Variants in CFAP36 observed in about 807,000 individuals in gnomAD.
CFAP36 encodes cilia- and flagella-associated protein 36.
A neutral mutation model predicts 50.5 loss-of-function variants in CFAP36; 37 were observed. That is an observed-to-expected ratio of 0.73 (90% CI 0.56 to 0.96). CFAP36 has a LOEUF of 0.96. Among genes scored for constraint, CFAP36 ranks in the 50% least tolerant of loss-of-function variants. The probability of loss-of-function intolerance (pLI) is 0.00; values close to 1 mark genes in which losing one functional copy is unlikely to be tolerated. For synonymous variants in CFAP36, 138 were observed against 128.2 expected, an observed-to-expected ratio of 1.08 and a Z score of -0.52; for missense variants, 407 against 396.2, an observed-to-expected ratio of 1.03 and a Z score of -0.23.
At chr2:55,523,074 G>C (rs926872169) in intron 2 of CFAP36, among the ~76,000 whole-genome samples, 1 of 136,614 alleles carries the variant, frequency 7.3e-6, no homozygotes, top group African/African-American at 2.7e-5. Context: ...CTCCAGTCTG[G>C]ACAACAGAGT....
intron 7 of CFAP36, chr2:55,538,770 C>G (rs760878085): frequency 1.9e-5 from 29 of 1,536,462 alleles, no homozygotes; most frequent in Admixed American, 6.1e-5. Flanking sequence ...TAAAGAAATT[C>G]AAGGAAGCTG....
intron 2 of CFAP36, 138 bp downstream of exon 2, chr2:55,522,304 T>G (rs1023791510): frequency 3.9e-5 from 21 of 537,084 alleles, no homozygotes; most frequent in Admixed American, 6.9e-5. Context: ...ATAGTGCCAG[T>G]TATATCTGTC....
intron 3 of CFAP36, among the ~76,000 whole-genome samples, chr2:55,528,505 G>A (rs988361775): frequency 3.3e-5 from 5 of 151,518 alleles, no homozygotes; most frequent in South Asian, 2.1e-4. Context: ...ATGATTCTCC[G>A]GTCTCAGCCT....
intron 7 of CFAP36, among the ~76,000 whole-genome samples, chr2:55,538,254 A>C (rs1444721267): frequency 1.3e-5 from 2 of 149,472 alleles, no homozygotes; most frequent in African/African-American, 4.9e-5. Context: ...AAAAAAATAT[A>C]CTCTGTGAGG....
At chr2:55,533,832 T>G in intron 4 of CFAP36, 41 bp from the exon 5 acceptor site, 1 of 1,200,350 alleles carries the variant, frequency 8.3e-7, no homozygotes, top group Non-Finnish European at 1.2e-6. Flanking sequence ...ATGTTTTTAA[T>G]GGAGTTGATA....
intron 7 of CFAP36, among the ~76,000 whole-genome samples, chr2:55,542,331 T>C (rs537098290): frequency 1.3e-5 from 2 of 152,362 alleles, no homozygotes; most frequent in Non-Finnish European, 2.9e-5. Flanking sequence ...AATAATTTTT[T>C]TCAAATGCGC....
In CFAP36 at chr2:55,535,705, A is replaced by G. The variant is rs762001965; in HGVS notation, c.486-7A>G. On this transcript the variant is annotated splice_polypyrimidine_tract_variant and splice_region_variant and intron_variant, in intron 5 of 9. Coordinates refer to ENST00000349456, the MANE Select transcript of CFAP36 (RefSeq NM_080667.7). ...TTATCTTTTTATCTTATTTTTGTAT[A>G]TTTCAGAAAATCAAAAGAGGAATAT... 3 of 1,525,114 alleles carry G rather than the reference A, an allele frequency of 2.0e-6. No individual in the cohort carries two copies. In the African/African-American group the frequency reaches 4.3e-5, roughly 22 times the overall value. 94.5% of individuals were successfully genotyped at this position (1,525,114 alleles called of 1,614,324 possible).
At chr2:55,524,348 G>A (rs1054898060) in intron 3 of CFAP36, among the ~76,000 whole-genome samples, 1 of 151,802 alleles carries the variant, frequency 6.6e-6, no homozygotes, top group Non-Finnish European at 1.5e-5. Context: ...CAACATCCCT[G>A]GGCTCAGGTA....
At chr2:55,536,318 A>T (rs1684486393) in intron 6 of CFAP36, among the ~76,000 whole-genome samples, 1 of 151,772 alleles carries the variant, frequency 6.6e-6, no homozygotes, top group South Asian at 2.1e-4. Flanking sequence ...TTTTTAGTAG[A>T]GACGGGGTTT....
intron 7 of CFAP36, among the ~76,000 whole-genome samples, chr2:55,542,593 G>C (rs1042507541): frequency 1.3e-5 from 2 of 152,128 alleles, no homozygotes; most frequent in African/African-American, 4.8e-5. Context: ...CTAAGTATTT[G>C]GCTTCAAGTA....
At position 55,537,529 on chromosome 2, in the gene CFAP36, C is replaced by T. The variant is rs908563180; in HGVS notation, c.584C>T (p.Ala195Val). 1 of 1,613,640 alleles carries T rather than the reference C, an allele frequency of 6.2e-7. No individual in the cohort carries two copies. The highest frequency in any genetic ancestry group is 1.7e-5 in the Admixed American group (1 of 59,956). The part of the protein sequence containing the change: ...TEEPTVHSSE[A>V]AIMNNSQGDG... ...GAGCCCACAGTGCATTCCAGTGAAG[C>T]TGCAATAATGAATAATTCCCAAGGG... The change falls in exon 7 of 10, where the codon GCT (alanine) becomes GTT (valine). Residue 195 changes from alanine to valine, a missense_variant. Coordinates refer to ENST00000349456, the MANE Select transcript of CFAP36 (RefSeq NM_080667.7).
chr2:55,541,532 G>A (rs1265416141), intron 7 of CFAP36, among the ~76,000 whole-genome samples: 1 of 152,090 alleles, frequency 6.6e-6, no homozygotes, highest in African/African-American at 2.4e-5. Flanking sequence ...TGGTATAAAG[G>A]AAAGTGATAA....
intron 3 of CFAP36, among the ~76,000 whole-genome samples, chr2:55,528,439 G>GGCT (rs1684266223): frequency 1.3e-5 from 2 of 151,484 alleles, no homozygotes; most frequent in South Asian, 4.2e-4. Context: ...CTGTCACCCA[G>GGCT]GCTGGAGTGC....
chr2:55,522,716 G>C (rs956342476), intron 2 of CFAP36, among the ~76,000 whole-genome samples: 8 of 152,210 alleles, frequency 5.3e-5, no homozygotes, highest in Middle Eastern at 3.4e-3. Context: ...GAACTCCAGA[G>C]CTCAAGTGAT....
intron 4 of CFAP36, among the ~76,000 whole-genome samples, chr2:55,530,762 C>T (rs1684332983): frequency 6.6e-6 from 1 of 152,186 alleles, no homozygotes; most frequent in Admixed American, 6.5e-5. Flanking sequence ...ATTTCTATGT[C>T]TTCGTTAGCT....
chr2:55,533,690 G>A (rs963593109), intron 4 of CFAP36, among the ~76,000 whole-genome samples, 183 bp from the exon 5 acceptor site: 10 of 78,094 alleles, frequency 1.3e-4, no homozygotes, highest in African/African-American at 3.9e-4. Context: ...AAGAGACTCT[G>A]TCTCAAAAAA....
chr2:55,534,031 C>A, intron 5 of CFAP36, 71 bp downstream of exon 5: 4 of 844,916 alleles, frequency 4.7e-6, no homozygotes, highest in Non-Finnish European at 7.3e-6. Flanking sequence ...TGCTTTTTGC[C>A]CAACAAATAT....
chr2:55,531,313 AAT>A (rs1164180016), intron 4 of CFAP36: 1 of 152,250 alleles, frequency 6.6e-6, no homozygotes, highest in Non-Finnish European at 1.5e-5. Context: ...CAGGAAAAGA[AAT>A]AGTGAACTTG....
At chr2:55,535,581 TG>T in intron 5 of CFAP36, 130 bp from the exon 6 acceptor site, 1 of 674,896 alleles carries the variant, frequency 1.5e-6, no homozygotes, top group Non-Finnish European at 2.4e-6. Context: ...GAGCAAGGCT[TG>T]ATTATCTTCC....
Sources: gnomAD v4.1 joint callset for allele counts (sites outside exome capture counted in the v4.1 genomes callset) on GRCh38, gnomAD v4.1.1 for gene constraint, MANE v1.5 for transcripts, NCBI Gene and HGNC (gene_info 2026-07-23, HGNC 2026-07-21) for gene names.